The following AGPAT5 variants were observed in gnomAD, a reference collection of about 807,000 sequenced individuals.
The protein encoded by AGPAT5 is 1-acyl-sn-glycerol-3-phosphate acyltransferase epsilon.
Under a neutral mutation model 45.6 loss-of-function variants are expected in AGPAT5, and 46 were observed. The observed-to-expected ratio is 1.01, with a 90% confidence interval of 0.80 to 1.29. The LOEUF (loss-of-function observed/expected upper bound fraction) is 1.29. Among genes scored for constraint, AGPAT5 ranks in the 50% most tolerant of loss-of-function variants. AGPAT5 has a pLI of 0.00. For missense variants in AGPAT5, 673 were observed against 450.7 expected, an observed-to-expected ratio of 1.49 and a Z score of -4.47; for synonymous variants, 272 against 167.0, an observed-to-expected ratio of 1.63 and a Z score of -4.85.
intron 4 of AGPAT5, among the ~76,000 whole-genome samples, chr8:6,735,833 T>G (rs1176067456): frequency 6.6e-6 from 1 of 151,602 alleles, no homozygotes; most frequent in Non-Finnish European, 1.5e-5. Context: ...GTGTTCCTGT[T>G]TATTCTTTAT....
At chr8:6,734,933 T>G (rs1039981739) in intron 4 of AGPAT5, among the ~76,000 whole-genome samples, 4 of 152,110 alleles carry the variant, frequency 2.6e-5, no homozygotes, top group African/African-American at 9.7e-5. Flanking sequence ...ACACTCAGCG[T>G]TTTCACATAG....
intron 4 of AGPAT5, among the ~76,000 whole-genome samples, chr8:6,735,719 C>T (rs1308778969): frequency 6.6e-6 from 1 of 152,150 alleles, no homozygotes; most frequent in Admixed American, 6.5e-5. Flanking sequence ...AGTAGTATTC[C>T]TTCAGCATTC....
chr8:6,717,392 T>A (rs1344779250), intron 1 of AGPAT5, among the ~76,000 whole-genome samples: 1 of 152,186 alleles, frequency 6.6e-6, no homozygotes, highest in Non-Finnish European at 1.5e-5. Flanking sequence ...TGATGGTACC[T>A]GGAAAGGAGA....
chr8:6,736,169 ACAT>A (rs1563295635), intron 4 of AGPAT5, among the ~76,000 whole-genome samples: 1 of 152,144 alleles, frequency 6.6e-6, no homozygotes, highest in African/African-American at 2.4e-5. Context: ...TCTAGCTTTA[ACAT>A]CTAATGTTGA....
At chr8:6,732,475 T>C in intron 3 of AGPAT5, 86 bp from the exon 4 acceptor site, 2 of 952,300 alleles carry the variant, frequency 2.1e-6, no homozygotes, top group Non-Finnish European at 1.5e-6. Context: ...TTCTGTACTT[T>C]TTGCAAGAGA....
At chr8:6,727,422 G>A (rs1800724322) in intron 2 of AGPAT5, among the ~76,000 whole-genome samples, 1 of 150,396 alleles carries the variant, frequency 6.6e-6, no homozygotes, top group African/African-American at 2.5e-5. Flanking sequence ...CACTCTTGTT[G>A]CCCAGGCTGG....
Position 6,708,658 on chromosome 8 carries a change from G to T in AGPAT5, c.-11G>T. 6.5e-7 allele frequency: 1 copy of T among 1,546,916 alleles called. No homozygotes were observed. Among genetic ancestry groups the T allele is most frequent in the Non-Finnish European group, 8.7e-7 (1 of 1,153,356 alleles). ...AGCGCAGGCGGAGCTCGCTGCCGCC[G>T]AGCTGAGAAGATGCTGCTGTCCCTG... On this transcript the variant is annotated 5_prime_UTR_variant, in exon 1 of 8. Coordinates refer to ENST00000285518, the MANE Select transcript of AGPAT5 (RefSeq NM_018361.5).
chr8:6,723,809 TC>T (rs970210256), intron 1 of AGPAT5, among the ~76,000 whole-genome samples: 11 of 152,254 alleles, frequency 7.2e-5, no homozygotes, highest in African/African-American at 2.4e-4. Flanking sequence ...AGTGCATTTG[TC>T]TGCAAAGTTG....
In AGPAT5 at chr8:6,757,390, C is replaced by G. The variant is rs139699903; in HGVS notation, c.*2C>G. The G allele has an allele frequency of 6.8e-6, 11 of 1,612,372 alleles. No homozygotes were observed. Among genetic ancestry groups the G allele is most frequent in the East Asian group, 6.7e-5 (3 of 44,880 alleles). On this transcript the variant is annotated 3_prime_UTR_variant, in exon 8 of 8. Transcript: ENST00000285518. ...CTGTGGGTTACTATTAAAGCATAGA[C>G]AAGTAGCTGTCTCCAGACAGTGGGA...
chr8:6,740,688 A>G (rs921101365), intron 4 of AGPAT5, among the ~76,000 whole-genome samples: 7 of 152,172 alleles, frequency 4.6e-5, no homozygotes, highest in African/African-American at 1.4e-4. Flanking sequence ...ATTCAGTACC[A>G]CATAGGTTTT....
Position 6,711,100 on chromosome 8 carries a change from T to A in AGPAT5, c.219+2213T>A, listed in dbSNP as rs548020109. ...AGGCATTTTAAAATAAAATTTTTTT[T>A]AAATGACATTTTTACACCTTTCAAC... On this transcript the variant is annotated intron_variant, in intron 1 of 7. Transcript: ENST00000285518. 2.8e-3 allele frequency among the ~76,000 whole-genome samples: 425 copies of A among 152,280 alleles called. 2 individuals carry two copies. The highest frequency in any genetic ancestry group is 9.5e-3 in the African/African-American group (397 of 41,580).
At chr8:6,713,139 T>C (rs1248858171) in intron 1 of AGPAT5, among the ~76,000 whole-genome samples, 1 of 152,162 alleles carries the variant, frequency 6.6e-6, no homozygotes, top group Non-Finnish European at 1.5e-5. Context: ...TAGCTAATTT[T>C]TAAAAGTTTT....
At chr8:6,755,581 C>T (rs887396955) in intron 7 of AGPAT5, among the ~76,000 whole-genome samples, 2 of 152,098 alleles carry the variant, frequency 1.3e-5, no homozygotes, top group African/African-American at 4.8e-5. Context: ...GAGGACTATG[C>T]GGACGTGCAG....
chr8:6,725,851 C>G (rs1800668159), intron 2 of AGPAT5, among the ~76,000 whole-genome samples: 1 of 152,184 alleles, frequency 6.6e-6, no homozygotes, highest in African/African-American at 2.4e-5. Flanking sequence ...AGGGAAATCA[C>G]TTATGCCTGT....
intron 1 of AGPAT5, chr8:6,709,228 A>G (rs992218123): frequency 9.5e-5 from 35 of 370,364 alleles, no homozygotes; most frequent in African/African-American, 6.9e-4. Context: ...TTTGGTCCAA[A>G]GAGGTGGTCA....
chr8:6,732,472 C>T (rs935885458), intron 3 of AGPAT5, 89 bp from the exon 4 acceptor site: 15 of 911,448 alleles, frequency 1.6e-5, no homozygotes, highest in African/African-American at 1.7e-5. Context: ...TCATTCTGTA[C>T]TTTTTGCAAG....
Position 6,757,181 on chromosome 8 carries a change from T to C in AGPAT5, c.888T>C (p.Tyr296=). 1.2e-6 allele frequency: 2 copies of C among 1,613,652 alleles called. No homozygotes were observed. The highest frequency in any genetic ancestry group is 1.7e-6 in the Non-Finnish European group (2 of 1,179,912). The change falls in exon 8 of 8, where the codon TAT becomes TAC. Residue 296 remains tyrosine, a synonymous_variant. Transcript: ENST00000285518. ...GCCATAGGATGCTTATAGAATTTTA[T>C]GAGTCACCAGATCCAGAAAGAAGAA... ...EIKDKMLIEF[Y]ESPDPERRKR... is the part of the protein sequence containing the mutation.
chr8:6,747,279 G>A (rs1171576640), intron 5 of AGPAT5, among the ~76,000 whole-genome samples: 1 of 152,202 alleles, frequency 6.6e-6, no homozygotes, highest in African/African-American at 2.4e-5. Context: ...GAAACAGGAG[G>A]CCATGTGCTG....
intron 3 of AGPAT5, among the ~76,000 whole-genome samples, chr8:6,731,825 A>G (rs1336043932): frequency 2.6e-5 from 4 of 151,856 alleles, no homozygotes; most frequent in Non-Finnish European, 5.9e-5. Context: ...CAAGGTGTTG[A>G]CAGGGTTAGT....
Sources: gnomAD v4.1 joint callset for allele counts (sites outside exome capture counted in the v4.1 genomes callset) on GRCh38, gnomAD v4.1.1 for gene constraint, MANE v1.5 for transcripts, NCBI Gene and HGNC (gene_info 2026-07-23, HGNC 2026-07-21) for gene names.